Variants in PALM2AKAP2 observed in about 807,000 individuals in gnomAD.
PALM2AKAP2 encodes the protein PALM2 and AKAP2 fusion, also known as PALM2-AKAP2 fusion protein.
A neutral mutation model predicts 71.5 loss-of-function variants in PALM2AKAP2; 37 were observed. The ratio of observed to expected loss-of-function variants is 0.52; its 90% CI spans 0.40 to 0.68. The LOEUF is 0.68. Ranked by LOEUF, PALM2AKAP2 falls within the 30% of genes least tolerant of loss-of-function variation. The probability of loss-of-function intolerance (pLI) is 0.00; values close to 1 mark genes in which losing one functional copy is unlikely to be tolerated. For synonymous variants in PALM2AKAP2, 468 were observed against 478.8 expected, an observed-to-expected ratio of 0.98 and a Z score of 0.29; for missense variants, 1,224 against 1,191.8, an observed-to-expected ratio of 1.03 and a Z score of -0.40.
At chr9:110,006,154 G>A (rs1832776844) in intron 6 of PALM2AKAP2, among the ~76,000 whole-genome samples, 2 of 151,930 alleles carry the variant, frequency 1.3e-5, no homozygotes, top group African/African-American at 2.4e-5. Flanking sequence ...GTTCCTATTC[G>A]GCCATCTTGG....
intron 1 of PALM2AKAP2, among the ~76,000 whole-genome samples, chr9:109,844,915 C>T (rs192364207): frequency 7.4e-6 from 1 of 134,922 alleles, no homozygotes; most frequent in East Asian, 2.5e-4. Flanking sequence ...TCCCCCATAA[C>T]AAATGCCAGA....
intron 1 of PALM2AKAP2, among the ~76,000 whole-genome samples, chr9:109,816,028 A>T (rs1827843091): frequency 1.3e-5 from 2 of 152,230 alleles, no homozygotes; most frequent in South Asian, 4.1e-4. Context: ...TGTTCTATTT[A>T]TGCTAAGTAT....
intron 3 of PALM2AKAP2, among the ~76,000 whole-genome samples, chr9:109,915,231 C>T (rs1489314622): frequency 6.6e-6 from 1 of 152,122 alleles, no homozygotes; most frequent in Admixed American, 6.5e-5. Flanking sequence ...CTAAGTGTCC[C>T]AAGAGGGATT....
rs368962902 is a variant in PALM2AKAP2, at chr9:110,129,072, A to G, written c.157-7055A>G. ...GGATCTTAATATTTTACCTCTGGCA[A>G]GTGGCCAGAGGAAACAGAACCCCTT... On this transcript the variant is annotated intron_variant, in intron 1 of 3. Transcript: ENST00000374525. 5.3e-5 allele frequency among the ~76,000 whole-genome samples: 8 copies of G among 152,324 alleles called. 1 individual carries two copies. In the East Asian group the frequency reaches 9.6e-4, roughly 18 times the overall value.
Position 109,883,460 on chromosome 9 carries a change from G to A in PALM2AKAP2, c.257+2779G>A, listed in dbSNP as rs148534637. Among the ~76,000 whole-genome samples, 1,367 of 152,312 alleles carry A rather than the reference G, an allele frequency of 9.0e-3. 66 individuals carry two copies. The highest frequency in any genetic ancestry group is 0.081 in the Admixed American group (1,234 of 15,294). On this transcript the variant is annotated intron_variant, in intron 3 of 9. Coordinates refer to the PALM2AKAP2 transcript ENST00000302798. ...TGCTCCCTGGAGCTGCTTTCTGTAG[G>A]AGCAGGACTGTGGTGAGCATCGTTT...
At chr9:109,958,004 G>A (rs916684028) in intron 6 of PALM2AKAP2, among the ~76,000 whole-genome samples, 2 of 152,138 alleles carry the variant, frequency 1.3e-5, no homozygotes, top group South Asian at 2.1e-4. Flanking sequence ...GTAATCTTAG[G>A]CAATTAATTT....
At chr9:109,940,706 G>C (rs532618388) in intron 6 of PALM2AKAP2, among the ~76,000 whole-genome samples, 1 of 152,320 alleles carries the variant, frequency 6.6e-6, no homozygotes, top group South Asian at 2.1e-4. Context: ...GCACACAGAT[G>C]AGCAGCCGTG....
At chr9:110,063,349 C>G (rs906694499) in intron 1 of PALM2AKAP2, among the ~76,000 whole-genome samples, 7 of 151,986 alleles carry the variant, frequency 4.6e-5, no homozygotes, top group African/African-American at 1.7e-4. Context: ...AGGAGAGGTT[C>G]TGTTCTAGGT....
At chr9:109,758,300 C>T (rs546320647) in intron 1 of PALM2AKAP2, among the ~76,000 whole-genome samples, 5 of 152,090 alleles carry the variant, frequency 3.3e-5, no homozygotes, top group African/African-American at 4.8e-5. Context: ...AGAAATAGTA[C>T]GACAGTGAAT....
chr9:109,878,398 A>G (rs1199638603), intron 2 of PALM2AKAP2, among the ~76,000 whole-genome samples: 1 of 152,218 alleles, frequency 6.6e-6, no homozygotes, highest in Non-Finnish European at 1.5e-5. Flanking sequence ...GAATAATTCT[A>G]TGTGAACAAA....
At chr9:110,080,352 A>C (rs540788690) in intron 1 of PALM2AKAP2, among the ~76,000 whole-genome samples, 13 of 152,290 alleles carry the variant, frequency 8.5e-5, no homozygotes, top group African/African-American at 3.1e-4. Flanking sequence ...TAAGAGAAAG[A>C]GAACTTTTGG....
chr9:109,913,070 G>T (rs1830608451), intron 3 of PALM2AKAP2, among the ~76,000 whole-genome samples: 2 of 152,266 alleles, frequency 1.3e-5, no homozygotes, highest in South Asian at 2.1e-4. Context: ...GCTGGATGTT[G>T]TTCCTAAAAG....
At chr9:109,741,284 G>A (rs1427407418) in intron 1 of PALM2AKAP2, among the ~76,000 whole-genome samples, 1 of 152,116 alleles carries the variant, frequency 6.6e-6, no homozygotes, top group African/African-American at 2.4e-5. Context: ...CTGTGTTGTT[G>A]CAAATATCCA....
intron 1 of PALM2AKAP2, among the ~76,000 whole-genome samples, chr9:109,664,835 G>A (rs1564105746): frequency 1.3e-5 from 2 of 152,176 alleles, no homozygotes; most frequent in Non-Finnish European, 2.9e-5. Flanking sequence ...CCAATCAAAT[G>A]TAGTTTGGTC....
At chr9:110,063,005 G>T (rs913444505) in intron 1 of PALM2AKAP2, among the ~76,000 whole-genome samples, 1 of 152,122 alleles carries the variant, frequency 6.6e-6, no homozygotes, top group Non-Finnish European at 1.5e-5. Flanking sequence ...AGTCACCCAG[G>T]CCCTGCCAGA....
At chr9:109,653,117 T>C (rs556736772) in intron 1 of PALM2AKAP2, among the ~76,000 whole-genome samples, 47 of 152,338 alleles carry the variant, frequency 3.1e-4, no homozygotes, top group African/African-American at 1.0e-3. Flanking sequence ...TAGTTTGCAC[T>C]ATGACTAATG....
chr9:110,137,921 G>C, exon 2 of PALM2AKAP2: 3 of 1,614,152 alleles, frequency 1.9e-6, no homozygotes, highest in Non-Finnish European at 2.5e-6. Flanking sequence ...CTCTCCGTTG[G>C]TTGATGACCC....
intron 6 of PALM2AKAP2, among the ~76,000 whole-genome samples, chr9:109,947,217 G>A (rs920470262): frequency 6.6e-6 from 1 of 152,180 alleles, no homozygotes; most frequent in Non-Finnish European, 1.5e-5. Flanking sequence ...TAATAGACAT[G>A]TATTTGCTTA....
At chr9:109,847,273 G>A (rs527798170) in intron 1 of PALM2AKAP2, among the ~76,000 whole-genome samples, 31 of 152,268 alleles carry the variant, frequency 2.0e-4, no homozygotes, top group Middle Eastern at 3.4e-3. Flanking sequence ...AAGGCAATGC[G>A]ATCACCACTA....
Sources: allele counts gnomAD v4.1 joint callset (sites outside exome capture counted in the v4.1 genomes callset), GRCh38; gene constraint gnomAD v4.1.1; transcripts MANE v1.5; gene names NCBI Gene and HGNC (gene_info 2026-07-23, HGNC 2026-07-21).